Variants in TBC1D7 observed in about 807,000 individuals in gnomAD.
The protein encoded by TBC1D7 is TBC1 domain family member 7.
A neutral mutation model predicts 35.3 loss-of-function variants in TBC1D7; 33 were observed. That is an observed-to-expected ratio of 0.93 (90% CI 0.71 to 1.25). The LOEUF (loss-of-function observed/expected upper bound fraction) is 1.25. TBC1D7 is among the 50% of genes most tolerant of loss of function. TBC1D7 has a pLI of 0.00. For missense variants in TBC1D7, 362 were observed against 365.3 expected (o/e 0.99, Z 0.07); for synonymous variants, 135 against 129.5 (o/e 1.04, Z -0.29).
rs11759931 is a variant in TBC1D7, at chr6:13,325,595, A to G, written c.113-421T>C. On this transcript the variant is annotated intron_variant, in intron 2 of 7. Coordinates refer to ENST00000379300, the MANE Select transcript of TBC1D7 (RefSeq NM_016495.6). Reference sequence around the variant, plus strand: ...GAAGGATCGCCTGAACCCAGGAGGCAGAGGTTGCAGTGAGCCAAGATCGTG... The same window carrying G: ...GAAGGATCGCCTGAACCCAGGAGGCGGAGGTTGCAGTGAGCCAAGATCGTG... Among the ~76,000 whole-genome samples the G allele has an allele frequency of 7.0e-3, 1,071 of 152,360 alleles. 13 individuals are homozygous for G. Among genetic ancestry groups the G allele is most frequent in the African/African-American group, 0.023 (967 of 41,588 alleles).
chr6:13,305,411 C>T (rs1029081020), intron 7 of TBC1D7, among the ~76,000 whole-genome samples: 11 of 152,286 alleles, frequency 7.2e-5, no homozygotes, highest in Non-Finnish European at 1.0e-4. Context: ...TGTGCACCCC[C>T]GGGCAGGTTA....
intron 5 of TBC1D7, among the ~76,000 whole-genome samples, chr6:13,314,769 C>A (rs1395615626): frequency 2.0e-5 from 3 of 152,182 alleles, no homozygotes; most frequent in Non-Finnish European, 4.4e-5. Context: ...ATCATCAGTG[C>A]CCCGCATCTC....
intron 5 of TBC1D7, among the ~76,000 whole-genome samples, chr6:13,313,309 G>C (rs986609315): frequency 1.3e-5 from 2 of 152,142 alleles, no homozygotes; most frequent in African/African-American, 4.8e-5. Flanking sequence ...CTGAGGATAG[G>C]TAAATTAAAA....
At chr6:13,324,474 AATT>A (rs1262424718) in intron 3 of TBC1D7, among the ~76,000 whole-genome samples, 1 of 152,132 alleles carries the variant, frequency 6.6e-6, no homozygotes, top group Non-Finnish European at 1.5e-5. Context: ...AATGGATAGG[AATT>A]ATATGCTCCA....
chr6:13,311,913 A>G (rs1584536318), intron 5 of TBC1D7, among the ~76,000 whole-genome samples: 1 of 150,920 alleles, frequency 6.6e-6, no homozygotes, highest in African/African-American at 2.4e-5. Context: ...TGGAATAAAA[A>G]GGAGTCCAGA....
chr6:13,310,178 T>A (rs1783093344), intron 5 of TBC1D7, among the ~76,000 whole-genome samples: 1 of 152,212 alleles, frequency 6.6e-6, no homozygotes, highest in African/African-American at 2.4e-5. Flanking sequence ...GGAATCCAAC[T>A]CAAATATACT....
intron 6 of TBC1D7, chr6:13,307,088 ATTATC>A (rs1426268907): frequency 6.5e-6 from 1 of 154,654 alleles, no homozygotes; most frequent in Non-Finnish European, 1.4e-5. Flanking sequence ...TTAGTTACAT[ATTATC>A]TTATAATGTT....
rs751893495 is a variant in TBC1D7, at chr6:13,307,585, G to A, written c.665+15C>T. Reference sequence around the variant, plus strand: ...AACGCCAAGCCTTCAATATGTCTTCGAAAGACCTACTTGCCTCTGTAAACT... The same window carrying A: ...AACGCCAAGCCTTCAATATGTCTTCAAAAGACCTACTTGCCTCTGTAAACT... On this transcript the variant is annotated intron_variant, in intron 6 of 7. Coordinates refer to ENST00000379300, the MANE Select transcript of TBC1D7 (RefSeq NM_016495.6). The A allele has an allele frequency of 4.2e-5, 67 of 1,613,458 alleles. No homozygotes were observed. The highest frequency in any genetic ancestry group is 1.6e-4 in the Middle Eastern group (1 of 6,082).
At chr6:13,310,835 T>C (rs970277770) in intron 5 of TBC1D7, among the ~76,000 whole-genome samples, 1 of 152,042 alleles carries the variant, frequency 6.6e-6, no homozygotes, top group Admixed American at 6.6e-5. Flanking sequence ...TTCAAATACA[T>C]ATGTGTATAT....
intron 2 of TBC1D7, among the ~76,000 whole-genome samples, chr6:13,325,881 A>G (rs1287048315): frequency 2.0e-5 from 3 of 152,226 alleles, no homozygotes; most frequent in African/African-American, 7.2e-5. Flanking sequence ...TAAGTGGTAC[A>G]GTCTGCCTTC....
In TBC1D7 at chr6:13,328,485, C is replaced by G. The variant is rs11557360; in HGVS notation, c.-198G>C. The G allele has an allele frequency of 0.15, 22,403 of 152,586 alleles. 2,023 individuals are homozygous for G. Among genetic ancestry groups the G allele is most frequent in the East Asian group, 0.3 (1,556 of 5,202 alleles). The allele number at this position is 152,586 out of a possible 1,614,324, so 9.5% of individuals were successfully genotyped here. On this transcript the variant is annotated 5_prime_UTR_variant, in exon 1 of 8. Coordinates refer to ENST00000379300, the MANE Select transcript of TBC1D7 (RefSeq NM_016495.6). ...GACACCCGCGCGCGCCCAGACGGCC[C>G]GGGAGACAAAACTCAGCGCCGCTGC...
chr6:13,317,934 A>G (rs537435376), intron 4 of TBC1D7, among the ~76,000 whole-genome samples: 1 of 152,362 alleles, frequency 6.6e-6, no homozygotes, highest in South Asian at 2.1e-4. Context: ...TTGTGGCAGT[A>G]TTGAGAAGTG....
At chr6:13,314,418 G>A (rs572712329) in intron 5 of TBC1D7, among the ~76,000 whole-genome samples, 1 of 152,192 alleles carries the variant, frequency 6.6e-6, no homozygotes, top group Admixed American at 6.5e-5. Flanking sequence ...TTTATGTTAC[G>A]AAAAATAAAG....
chr6:13,306,781 A>C, intron 6 of TBC1D7: 1 of 251,084 alleles, frequency 4.0e-6, no homozygotes. Flanking sequence ...ATCTACCAAA[A>C]TCATATTCCC....
At chr6:13,321,782 C>A (rs1053638956) in intron 3 of TBC1D7, among the ~76,000 whole-genome samples, 1 of 152,138 alleles carries the variant, frequency 6.6e-6, no homozygotes, top group Non-Finnish European at 1.5e-5. Flanking sequence ...TCTTTCTGGG[C>A]ACTTGTTTTC....
At chr6:13,305,809 G>C (rs1303594460) in intron 7 of TBC1D7, 1 of 160,430 alleles carries the variant, frequency 6.2e-6, no homozygotes, top group East Asian at 1.9e-4. Context: ...GGTTAATACT[G>C]TATATTAATA....
In TBC1D7 at chr6:13,328,502, C is replaced by CGCCGCTGCCGCTGCCGCT. The variant is rs553838367; in HGVS notation, c.-233_-216dup. 3.2e-3 allele frequency: 485 copies of CGCCGCTGCCGCTGCCGCT among 153,856 alleles called. 4 individuals are homozygous for CGCCGCTGCCGCTGCCGCT. The highest frequency in any genetic ancestry group is 7.3e-3 in the African/African-American group (299 of 41,206). The allele number at this position is 153,856 out of a possible 1,614,324, so 9.5% of individuals were successfully genotyped here. ...AGACGGCCCGGGAGACAAAACTCAG[C>CGCCGCTGCCGCTGCCGCT]GCCGCTGCCGCTGCCGCTGCCGCCG... On this transcript the variant is annotated 5_prime_UTR_variant, in exon 1 of 8. Transcript: ENST00000379300.
At chr6:13,311,817 A>G (rs2127527487) in intron 5 of TBC1D7, among the ~76,000 whole-genome samples, 1 of 152,230 alleles carries the variant, frequency 6.6e-6, no homozygotes, top group Admixed American at 6.5e-5. Context: ...ACAATAAGAG[A>G]CTTTCCTTAT....
rs1327039130 is a variant in TBC1D7, at chr6:13,306,451, T to C, written c.742A>G (p.Ile248Val). The change falls in exon 7 of 8, where the codon ATA becomes GTA. Residue 248 changes from isoleucine (I) to valine (V), a missense_variant. Ile to Val is a conservative substitution (Grantham distance 29, BLOSUM62 3). Coordinates refer to ENST00000379300, the MANE Select transcript of TBC1D7 (RefSeq NM_016495.6). Reference sequence around the variant, plus strand: ...GCACTGTTCAGTGCCATAACTTTTATTTTAAAGGTTAATAAAATTTCGACA... The same window carrying C: ...GCACTGTTCAGTGCCATAACTTTTACTTTAAAGGTTAATAAAATTTCGACA... ...VAVEILLTFK[I>V]KVMALNSAEK... 25 of 1,610,074 alleles carry C rather than the reference T, an allele frequency of 1.6e-5. No homozygotes were observed. Among genetic ancestry groups the C allele is most frequent in the Non-Finnish European group, 1.8e-5 (21 of 1,178,462 alleles).
Sources: gnomAD v4.1 joint callset for allele counts (sites outside exome capture counted in the v4.1 genomes callset) on GRCh38, gnomAD v4.1.1 for gene constraint, MANE v1.5 for transcripts, NCBI Gene and HGNC (gene_info 2026-07-23, HGNC 2026-07-21) for gene names.